BEGAIN: variants seen among roughly 807,000 people sequenced by gnomAD.
BEGAIN encodes brain-enriched guanylate kinase-associated protein.
A neutral mutation model predicts 35.8 loss-of-function variants in BEGAIN; 19 were observed. The observed-to-expected ratio is 0.53, with a 90% confidence interval of 0.37 to 0.78. The LOEUF is 0.78. Ranked by LOEUF, BEGAIN falls within the 30% of genes least tolerant of loss-of-function variation. The probability of loss-of-function intolerance (pLI) is 0.00; values close to 1 mark genes in which losing one functional copy is unlikely to be tolerated. For missense variants in BEGAIN, 795 were observed against 853.6 expected, an observed-to-expected ratio of 0.93 and a Z score of 0.85; for synonymous variants, 462 against 388.6, an observed-to-expected ratio of 1.19 and a Z score of -2.22.
intron 2 of BEGAIN, among the ~76,000 whole-genome samples, chr14:100,559,691 G>A (rs866778256): frequency 2.0e-5 from 3 of 152,302 alleles, no homozygotes; most frequent in African/African-American, 7.2e-5. Context: ...TGATCAGAGC[G>A]GTGGACACTT....
Position 100,565,200 on chromosome 14 carries a change from G to A in BEGAIN, c.71+2711C>T, listed in dbSNP as rs1310058171. Among the ~76,000 whole-genome samples, 6 of 152,232 alleles carry A rather than the reference G, an allele frequency of 3.9e-5. No individual in the cohort carries two copies. The East Asian group carries it at 1.2e-3, about 29-fold the overall frequency. On this transcript the variant is annotated intron_variant, in intron 2 of 6. Transcript: ENST00000554140. Reference sequence around the variant, plus strand: ...GAGTCCACTTGGGAGGGAGGGGCAAGAGCGTCATGAAAACCCCAGGGAAAA... The same window carrying A: ...GAGTCCACTTGGGAGGGAGGGGCAAAAGCGTCATGAAAACCCCAGGGAAAA...
intron 1 of BEGAIN, among the ~76,000 whole-genome samples, chr14:100,575,446 G>C (rs2035181854): frequency 2.0e-5 from 3 of 152,190 alleles, no homozygotes; most frequent in African/African-American, 7.2e-5. Context: ...TGGAGACACT[G>C]GGGGGAGTGT....
chr14:100,549,679 T>C (rs1468939610), intron 2 of BEGAIN: 1 of 152,282 alleles, frequency 6.6e-6, no homozygotes, highest in Non-Finnish European at 1.5e-5. Context: ...GCAGGGCTGT[T>C]GCTGGTCCAC....
chr14:100,561,552 C>T (rs1341487015), intron 2 of BEGAIN, among the ~76,000 whole-genome samples: 1 of 152,042 alleles, frequency 6.6e-6, no homozygotes, highest in African/African-American at 2.4e-5. Flanking sequence ...AGTTGGAGAC[C>T]AGCCTGGGCG....
intron 1 of BEGAIN, among the ~76,000 whole-genome samples, chr14:100,582,204 G>A (rs879514842): frequency 1.3e-5 from 2 of 152,128 alleles, no homozygotes; most frequent in Non-Finnish European, 2.9e-5. Context: ...GAGTGCAGTG[G>A]CGCGATCTCG....
chr14:100,541,037 C>T (rs564714493), intron 5 of BEGAIN, among the ~76,000 whole-genome samples: 1 of 152,362 alleles, frequency 6.6e-6, no homozygotes, highest in African/African-American at 2.4e-5. Context: ...TTCCACCCCG[C>T]ACTTCAGACT....
intron 1 of BEGAIN, among the ~76,000 whole-genome samples, chr14:100,579,081 G>A (rs1595152626): frequency 6.6e-6 from 1 of 152,066 alleles, no homozygotes. Flanking sequence ...GGCTAGTCTC[G>A]AACTCCTGAC....
chr14:100,572,805 C>A (rs1017215995), intron 1 of BEGAIN, among the ~76,000 whole-genome samples: 5 of 152,100 alleles, frequency 3.3e-5, no homozygotes, highest in Non-Finnish European at 7.4e-5. Flanking sequence ...GGAGAGCCAG[C>A]CTTCTAACTG....
At chr14:100,548,175 G>C (rs1290916344) in intron 2 of BEGAIN, 1 of 152,142 alleles carries the variant, frequency 6.6e-6, no homozygotes, top group Non-Finnish European at 1.5e-5. Context: ...TGCCCACGTG[G>C]GTCTGCCTCC....
chr14:100,571,210 G>C (rs1377283713), intron 1 of BEGAIN, among the ~76,000 whole-genome samples: 2 of 152,194 alleles, frequency 1.3e-5, no homozygotes, highest in Non-Finnish European at 2.9e-5. Flanking sequence ...GTCCAGCCCA[G>C]CAGCCACCTT....
intron 2 of BEGAIN, among the ~76,000 whole-genome samples, chr14:100,554,288 C>T (rs2033491604): frequency 6.6e-6 from 1 of 152,190 alleles, no homozygotes; most frequent in African/African-American, 2.4e-5. Context: ...CTGCGGCTGT[C>T]ACTGTTGCAC....
chr14:100,584,908 C>T (rs2035400527), intron 1 of BEGAIN, among the ~76,000 whole-genome samples: 1 of 152,052 alleles, frequency 6.6e-6, no homozygotes, highest in South Asian at 2.1e-4. Flanking sequence ...GGTCACCCAC[C>T]CATCTGTCCC....
At position 100,567,833 on chromosome 14, in the gene BEGAIN, C is replaced by T; in HGVS notation, c.71+78G>A. On this transcript the variant is annotated intron_variant, in intron 2 of 6. Transcript: ENST00000554140. The surrounding 1 kb of genome is among the most constrained non-coding windows in gnomAD (Gnocchi z 5.1). Reference sequence around the variant, plus strand: ...CTGGGGGATGCGCTCGGGTGGAGCCCCCTTCCCCCGCCTTCCCCAGCGCCC... The same window carrying T: ...CTGGGGGATGCGCTCGGGTGGAGCCTCCTTCCCCCGCCTTCCCCAGCGCCC... The T allele has an allele frequency of 1.4e-6, 2 of 1,398,808 alleles. No homozygotes were observed. Among genetic ancestry groups the T allele is most frequent in the African/African-American group, 1.5e-5 (1 of 65,538 alleles). 86.6% of individuals were successfully genotyped at this position (1,398,808 alleles called of 1,614,324 possible). A position where few individuals can be genotyped will look rare whatever the true frequency, so the allele number is the denominator to read the frequency against.
chr14:100,556,258 T>G (rs2033714175), intron 2 of BEGAIN, among the ~76,000 whole-genome samples: 2 of 151,180 alleles, frequency 1.3e-5, no homozygotes, highest in African/African-American at 4.9e-5. Context: ...CACTGCTCCC[T>G]CCTGCCTGGA....
intron 1 of BEGAIN, chr14:100,577,403 C>T (rs1390119257): frequency 1.3e-5 from 5 of 399,210 alleles, no homozygotes; most frequent in Non-Finnish European, 2.2e-5. Flanking sequence ...TGGCCTGGCC[C>T]CACTCTGCTT....
intron 2 of BEGAIN, among the ~76,000 whole-genome samples, chr14:100,561,396 A>T (rs1380822589): frequency 6.6e-6 from 1 of 152,204 alleles, no homozygotes. Flanking sequence ...CGCCTTCTCA[A>T]GTAGGTGCTA....
Position 100,567,846 on chromosome 14 carries a change from T to G in BEGAIN, c.71+65A>C. On this transcript the variant is annotated intron_variant, in intron 2 of 6. Coordinates refer to ENST00000554140, the MANE Select transcript of BEGAIN (RefSeq NM_001385089.1). The surrounding 1 kb of genome is among the most constrained non-coding windows in gnomAD (Gnocchi z 5.1). ...TCGGGTGGAGCCCCCTTCCCCCGCC[T>G]TCCCCAGCGCCCTCACCCCCGACCC... The G allele has an allele frequency of 4.6e-5, 61 of 1,318,442 alleles. No homozygotes were observed. Among genetic ancestry groups the G allele is most frequent in the Non-Finnish European group, 5.4e-5 (53 of 988,294 alleles). The allele number at this position is 1,318,442 out of a possible 1,614,324, so 81.7% of individuals were successfully genotyped here.
rs775311618 is a variant in BEGAIN at position 100,538,979 on chromosome 14, G to T, written c.829C>A (p.Arg277=). The change falls in exon 7 of 7, where the codon CGG becomes AGG. Residue 277 remains arginine, a synonymous_variant. Coordinates refer to ENST00000554140, the MANE Select transcript of BEGAIN (RefSeq NM_001385089.1). ...DAPVTDVGFL[R]AQNSTDSAAE... is the part of the protein sequence containing the mutation. ...GCGCTGTCAGTGGAGTTCTGGGCCC[G>T]CAGGAAGCCCACGTCGGTCACGGGC... 23 of 1,609,872 alleles carry T rather than the reference G, an allele frequency of 1.4e-5. No individual in the cohort carries two copies. In the African/African-American group the frequency reaches 2.5e-4, roughly 18 times the overall value.
chr14:100,551,958 C>T (rs925812779), intron 2 of BEGAIN, among the ~76,000 whole-genome samples: 2 of 152,156 alleles, frequency 1.3e-5, no homozygotes, highest in East Asian at 1.9e-4. Flanking sequence ...CAAATGACCC[C>T]GGTGCTGCTG....
Sources: gnomAD v4.1 joint callset for allele counts (sites outside exome capture counted in the v4.1 genomes callset) on GRCh38, gnomAD v4.1.1 for gene constraint, Gnocchi (gnomAD v3.1) non-coding constraint, MANE v1.5 for transcripts, NCBI Gene and HGNC (gene_info 2026-07-23, HGNC 2026-07-21) for gene names.